ELAVL4: variants seen among roughly 807,000 people sequenced by gnomAD.
The protein encoded by ELAVL4 is ELAV-like protein 4.
Under a neutral mutation model 35.6 loss-of-function variants are expected in ELAVL4, and 1 was observed. That is an observed-to-expected ratio of 0.03 (90% confidence interval 0.01 to 0.13). The LOEUF (loss-of-function observed/expected upper bound fraction) is 0.13, where lower values mean the gene tolerates loss of function less well. Among genes scored for constraint, ELAVL4 ranks in the 10% least tolerant of loss-of-function variants. ELAVL4 has a pLI of 1.00. For synonymous variants in ELAVL4, 156 were observed against 171.0 expected, an observed-to-expected ratio of 0.91 and a Z score of 0.69; for missense variants, 267 against 464.9, an observed-to-expected ratio of 0.57 and a Z score of 3.91.
chr1:50,150,422 A>T (rs1320958819), intron 2 of ELAVL4, among the ~76,000 whole-genome samples: 1 of 152,240 alleles, frequency 6.6e-6, no homozygotes, highest in Non-Finnish European at 1.5e-5. Flanking sequence ...CTCTAATTAA[A>T]GGAACCAACT....
Position 50,149,485 on chromosome 1 carries a change from T to TA in ELAVL4, c.250+4296dup, listed in dbSNP as rs199764553. Reference sequence around the variant, plus strand: ...TGTGTGATTATTTGCATCACAGTGATAAAAAAAAGAATTGTATTTTTACTT... The same window carrying TA: ...TGTGTGATTATTTGCATCACAGTGATAAAAAAAAAGAATTGTATTTTTACTT... On this transcript the variant is annotated intron_variant, in intron 2 of 6. Transcript: ENST00000371824. Among the ~76,000 whole-genome samples, 83 of 149,800 alleles carry TA rather than the reference T, an allele frequency of 5.5e-4. 1 individual carries two copies. In the East Asian group the frequency reaches 0.014, roughly 26 times the overall value.
intron 3 of ELAVL4, among the ~76,000 whole-genome samples, chr1:50,179,250 T>C (rs1253096824): frequency 6.6e-6 from 1 of 152,100 alleles, no homozygotes; most frequent in East Asian, 1.9e-4. Context: ...CACTGTAGGA[T>C]TCAAAATGCA....
rs111676631 is a variant in ELAVL4 at position 50,201,256 on chromosome 1, C to A, written c.*78C>A. 4.7e-5 allele frequency: 67 copies of A among 1,420,326 alleles called. No individual in the cohort carries two copies. Among genetic ancestry groups the A allele is most frequent in the Non-Finnish European group, 5.9e-5 (64 of 1,081,492 alleles). The allele number at this position is 1,420,326 out of a possible 1,614,324, so 88.0% of individuals were successfully genotyped here. A position where few individuals can be genotyped will look rare whatever the true frequency, so the allele number is the denominator to read the frequency against. On this transcript the variant is annotated 3_prime_UTR_variant, in exon 7 of 7. Coordinates refer to ENST00000371824, the MANE Select transcript of ELAVL4 (RefSeq NM_001144774.3). The surrounding 1 kb of genome is among the most constrained non-coding windows in gnomAD (Gnocchi z 4.3). ...ACACGCGCGCACACACACACATACA[C>A]GAAAGAGAGAGAAACAAACTTTTCA...
At chr1:50,054,365 C>T (rs891190806) in intron 1 of ELAVL4, among the ~76,000 whole-genome samples, 20 of 152,076 alleles carry the variant, frequency 1.3e-4, no homozygotes, top group African/African-American at 4.3e-4. Flanking sequence ...CTGAGTCCTG[C>T]CCAACCATTG....
chr1:50,193,801 G>T lies in ELAVL4; in HGVS notation c.391G>T (p.Asp131Tyr). The change falls in exon 4 of 7, where the codon GAT becomes TAT. Residue 131 changes from aspartate (D) to tyrosine (Y), a missense_variant. Asp to Tyr is a radical substitution (Grantham distance 160, BLOSUM62 -3). This residue lies in a region of ELAVL4 where 216 missense variants were observed against 409.5 expected (regional missense o/e 0.53). Transcript: ENST00000371824. ...CCGTCCGAGCTCTGCCTCAATCAGG[G>T]ATGCTAACCTCTATGTTAGCGGCCT... ...YARPSSASIR[D>Y]ANLYVSGLPK... 1 of 1,613,900 alleles carries T rather than the reference G, an allele frequency of 6.2e-7. No homozygotes were observed. The highest frequency in any genetic ancestry group is 8.5e-7 in the Non-Finnish European group (1 of 1,179,908).
chr1:50,153,842 A>C (rs1675237109), intron 2 of ELAVL4, among the ~76,000 whole-genome samples: 1 of 152,250 alleles, frequency 6.6e-6, no homozygotes, highest in Non-Finnish European at 1.5e-5. Context: ...TAGTGATCTT[A>C]TAAGAAGAGG....
intron 2 of ELAVL4, among the ~76,000 whole-genome samples, chr1:50,150,902 T>C (rs1339457284): frequency 6.6e-6 from 1 of 152,230 alleles, no homozygotes; most frequent in African/African-American, 2.4e-5. Flanking sequence ...CTTAATATGT[T>C]TACTGGGCAC....
At chr1:50,124,557 C>T (rs1298610701) in intron 1 of ELAVL4, among the ~76,000 whole-genome samples, 2 of 152,100 alleles carry the variant, frequency 1.3e-5, no homozygotes, top group Admixed American at 1.3e-4. Context: ...CATGTTCTGT[C>T]TCCTATTTTA....
chr1:50,075,358 T>G (rs942692200), intron 1 of ELAVL4, among the ~76,000 whole-genome samples: 2 of 152,224 alleles, frequency 1.3e-5, no homozygotes, highest in African/African-American at 4.8e-5. Context: ...ACATCAAAGT[T>G]AAAGGAATTT....
At chr1:50,073,168 G>C (rs932337082) in intron 1 of ELAVL4, among the ~76,000 whole-genome samples, 1 of 152,180 alleles carries the variant, frequency 6.6e-6, no homozygotes, top group Non-Finnish European at 1.5e-5. Context: ...CATGGTACCA[G>C]GGAGTGGAGG....
upstream of ELAVL4, chr1:50,105,810 C>G (rs1473992655): frequency 2.6e-5 from 4 of 155,512 alleles, no homozygotes; most frequent in Non-Finnish European, 5.7e-5. Flanking sequence ...ATTGACTGTT[C>G]CGTGGTGCGC....
At chr1:50,070,689 A>G (rs558394500) in intron 1 of ELAVL4, among the ~76,000 whole-genome samples, 8 of 146,702 alleles carry the variant, frequency 5.5e-5, no homozygotes, top group African/African-American at 1.8e-4. Flanking sequence ...TGCAGTGAGC[A>G]GAGATCGTGC....
At chr1:50,186,110 T>G (rs1035666302) in intron 3 of ELAVL4, among the ~76,000 whole-genome samples, 8 of 152,190 alleles carry the variant, frequency 5.3e-5, no homozygotes, top group Non-Finnish European at 1.2e-4. Flanking sequence ...TCGTCACATC[T>G]TTTCTATTCT....
intron 1 of ELAVL4, among the ~76,000 whole-genome samples, chr1:50,143,097 G>C (rs1407958472): frequency 6.6e-6 from 1 of 152,158 alleles, no homozygotes; most frequent in South Asian, 2.1e-4. Context: ...TGAGGGGTGA[G>C]GTAAATGACA....
chr1:50,057,457 G>A (rs1336303819), intron 1 of ELAVL4, among the ~76,000 whole-genome samples: 2 of 152,086 alleles, frequency 1.3e-5, no homozygotes, highest in African/African-American at 4.8e-5. Context: ...CTAGGCCTTC[G>A]TATTCACTCA....
chr1:50,049,714 A>T (rs1329996289), intron 1 of ELAVL4, among the ~76,000 whole-genome samples: 1 of 152,172 alleles, frequency 6.6e-6, no homozygotes, highest in Non-Finnish European at 1.5e-5. Context: ...TAAAGCACTA[A>T]CAAAATCCTT....
In ELAVL4 at chr1:50,169,014, TAA is replaced by T. The variant is rs1311388372; in HGVS notation, c.251-8074_251-8073del. On this transcript the variant is annotated intron_variant, in intron 2 of 6. Coordinates refer to ENST00000371824, the MANE Select transcript of ELAVL4 (RefSeq NM_001144774.3). ...TATATATATATAAAGAGGAGTTTAT[TAA>T]GTGTTAACTTACATGATCACAGGGT... Among the ~76,000 whole-genome samples the T allele has an allele frequency of 5.3e-5, 8 of 150,988 alleles. No individual in the cohort carries two copies. The East Asian group carries it at 9.7e-4, about 18-fold the overall frequency.
At chr1:50,148,325 G>A (rs1424307169) in intron 2 of ELAVL4, among the ~76,000 whole-genome samples, 1 of 152,160 alleles carries the variant, frequency 6.6e-6, no homozygotes, top group Non-Finnish European at 1.5e-5. Flanking sequence ...CTGAGCAGAG[G>A]TTGCTGGGCA....
chr1:50,138,378 C>G (rs1229840691), intron 1 of ELAVL4, among the ~76,000 whole-genome samples: 1 of 151,910 alleles, frequency 6.6e-6, no homozygotes, highest in Admixed American at 6.6e-5. Context: ...CCAAGGCATT[C>G]AATAGGTTTT....
Sources: gnomAD v4.1 joint callset for allele counts (sites outside exome capture counted in the v4.1 genomes callset) on GRCh38, gnomAD v4.1.1 for gene constraint, gnomAD v4.1.1 regional missense constraint, Gnocchi (gnomAD v3.1) non-coding constraint, MANE v1.5 for transcripts, NCBI Gene and HGNC (gene_info 2026-07-23, HGNC 2026-07-21) for gene names.